HS6ST2: variants seen among roughly 807,000 people sequenced by gnomAD.
HS6ST2 encodes the protein heparan sulfate 6-O-sulfotransferase 2.
In HS6ST2, 17 loss-of-function variants were observed where a neutral mutation model predicts 33.0. That is an observed-to-expected ratio of 0.52 (90% CI 0.35 to 0.77). The LOEUF (loss-of-function observed/expected upper bound fraction) is 0.77. Among genes scored for constraint, HS6ST2 ranks in the 30% least tolerant of loss-of-function variants. The probability of loss-of-function intolerance (pLI) is 0.01; values close to 1 mark genes in which losing one functional copy is unlikely to be tolerated. For synonymous variants in HS6ST2, 248 were observed against 237.1 expected, an observed-to-expected ratio of 1.05 and a Z score of -0.42; for missense variants, 519 against 551.7, an observed-to-expected ratio of 0.94 and a Z score of 0.59.
At chrX:132,944,502 A>T (rs2148497745) in intron 2 of HS6ST2, among the ~76,000 whole-genome samples, 1 of 111,933 alleles carries the variant, frequency 8.9e-6, no homozygotes, top group East Asian at 2.8e-4. Context: ...GGAAAAAACT[A>T]CTTTAAAGTT....
At chrX:132,688,822 C>T (rs1278579989) in intron 3 of HS6ST2, among the ~76,000 whole-genome samples, 2 of 112,094 alleles carry the variant, frequency 1.8e-5, no homozygotes, top group African/African-American at 6.5e-5. Context: ...CCTTGGTCCT[C>T]TTAGCTAGCA....
At chrX:132,649,304 T>C (rs2063671109) in intron 4 of HS6ST2, among the ~76,000 whole-genome samples, 1 of 111,586 alleles carries the variant, frequency 9.0e-6, no homozygotes, top group Non-Finnish European at 1.9e-5. Context: ...AACCAGTTCC[T>C]GTCTTTCCCT....
At chrX:132,637,828 T>TTATATATAATATATTA (rs1569475903) in intron 4 of HS6ST2, among the ~76,000 whole-genome samples, 21 of 58,529 alleles carry the variant, frequency 3.6e-4, no homozygotes, top group Non-Finnish European at 5.6e-4. Flanking sequence ...ATATATAATA[T>TTATATATAATATATTA]TATATATAAT....
chrX:132,691,923 G>A (rs2064067852), intron 3 of HS6ST2, among the ~76,000 whole-genome samples: 1 of 112,067 alleles, frequency 8.9e-6, no homozygotes, highest in African/African-American at 3.2e-5. Context: ...CACTGTGGCT[G>A]GCAGGTGTTA....
At chrX:132,828,716 A>ATATG (rs2065554448) in intron 2 of HS6ST2, among the ~76,000 whole-genome samples, 1 of 81,837 alleles carries the variant, frequency 1.2e-5, no homozygotes, top group Non-Finnish European at 2.3e-5. Flanking sequence ...ACACACACAC[A>ATATG]CACACACACA....
chrX:132,943,539 T>G (rs760041456), intron 2 of HS6ST2, among the ~76,000 whole-genome samples: 145 of 111,056 alleles, frequency 1.3e-3, no homozygotes, highest in African/African-American at 4.6e-3. Context: ...TACCAAAGCC[T>G]GGCAGAGACA....
chrX:132,660,112 G>A (rs188601313), intron 4 of HS6ST2, among the ~76,000 whole-genome samples: 279 of 110,846 alleles, frequency 2.5e-3, no homozygotes, highest in African/African-American at 7.1e-3. Context: ...AAAATAATAC[G>A]TCTTTTACTT....
At chrX:132,892,250 C>T (rs1021702049) in intron 2 of HS6ST2, among the ~76,000 whole-genome samples, 4 of 111,748 alleles carry the variant, frequency 3.6e-5, no homozygotes, top group Admixed American at 1.9e-4. Flanking sequence ...ATGTCCAATC[C>T]GGTTATAAGA....
chrX:132,735,809 T>G (rs901275920), intron 2 of HS6ST2, among the ~76,000 whole-genome samples: 18 of 112,219 alleles, frequency 1.6e-4, no homozygotes, highest in African/African-American at 5.8e-4. Flanking sequence ...AGAGGAATTT[T>G]GCAGCACTGC....
At chrX:132,821,210 CTT>C (rs397895430) in intron 2 of HS6ST2, among the ~76,000 whole-genome samples, 144 of 77,034 alleles carry the variant, frequency 1.9e-3, no homozygotes, top group African/African-American at 5.8e-3. Flanking sequence ...CATTCCCATT[CTT>C]TTTTTTTTTT....
chrX:132,844,088 T>A (rs1400263107), intron 2 of HS6ST2, among the ~76,000 whole-genome samples: 1 of 112,241 alleles, frequency 8.9e-6, no homozygotes, highest in African/African-American at 3.2e-5. Context: ...TTACATGAGA[T>A]CTGTCAGCAA....
Position 132,751,043 on chromosome X carries a change from G to A in HS6ST2, c.948-42549C>T, listed in dbSNP as rs2064702334. Reference sequence around the variant, plus strand: ...AAGGAGGCAAATCATAGACACATGTGGTCCTGGTAGAGCAAGCTAAATGGA... The same window carrying A: ...AAGGAGGCAAATCATAGACACATGTAGTCCTGGTAGAGCAAGCTAAATGGA... On this transcript the variant is annotated intron_variant, in intron 2 of 4. Coordinates refer to ENST00000370833, the MANE Select transcript of HS6ST2 (RefSeq NM_001394073.1). Among the ~76,000 whole-genome samples, 3 of 112,171 alleles carry A rather than the reference G, an allele frequency of 2.7e-5. No homozygotes were observed. In the South Asian group the frequency reaches 1.1e-3, roughly 42 times the overall value.
intron 2 of HS6ST2, among the ~76,000 whole-genome samples, chrX:132,950,602 G>A (rs1204507284): frequency 1.8e-5 from 2 of 111,515 alleles, no homozygotes; most frequent in African/African-American, 6.5e-5. Context: ...GTTTAAATGT[G>A]CATTTCTTTA....
chrX:132,772,894 T>C (rs1463709856), intron 2 of HS6ST2, among the ~76,000 whole-genome samples: 4 of 86,032 alleles, frequency 4.6e-5, no homozygotes, highest in Admixed American at 1.5e-4. Flanking sequence ...TTATATATTA[T>C]GTAATATAAA....
intron 3 of HS6ST2, among the ~76,000 whole-genome samples, chrX:132,699,805 G>A: frequency 8.9e-6 from 1 of 111,786 alleles, no homozygotes. Flanking sequence ...TCCTTTTCAT[G>A]CAAACAAGCA....
intron 2 of HS6ST2, among the ~76,000 whole-genome samples, chrX:132,860,628 T>G (rs1242486180): frequency 8.9e-6 from 1 of 111,760 alleles, no homozygotes; most frequent in Non-Finnish European, 1.9e-5. Context: ...CCTTCATTTC[T>G]GTGACTGTGT....
At chrX:132,953,931 C>A (rs762699808) in intron 2 of HS6ST2, among the ~76,000 whole-genome samples, 1 of 112,329 alleles carries the variant, frequency 8.9e-6, no homozygotes, top group Admixed American at 9.4e-5. Flanking sequence ...AACCCTTGTT[C>A]ATCAAGGTGC....
chrX:132,683,904 C>A (rs753808218), intron 3 of HS6ST2, among the ~76,000 whole-genome samples: 1 of 109,750 alleles, frequency 9.1e-6, no homozygotes, highest in East Asian at 2.8e-4. Flanking sequence ...GAAAGCTTAA[C>A]CTAAAGCGTA....
chrX:132,658,477 TC>T (rs1291400276), intron 4 of HS6ST2, among the ~76,000 whole-genome samples: 1 of 106,605 alleles, frequency 9.4e-6, no homozygotes, highest in Non-Finnish European at 2.0e-5. Flanking sequence ...ATGGTTTTTT[TC>T]TTTTTCTTTT....
Sources: allele counts gnomAD v4.1 joint callset (sites outside exome capture counted in the v4.1 genomes callset), GRCh38; gene constraint gnomAD v4.1.1; transcripts MANE v1.5; gene names NCBI Gene and HGNC (gene_info 2026-07-23, HGNC 2026-07-21).